ECT2: variants seen among roughly 807,000 people sequenced by gnomAD.
The protein encoded by ECT2 is protein ECT2.
Under a neutral mutation model 116.9 loss-of-function variants are expected in ECT2, and 61 were observed. The observed-to-expected ratio is 0.52, with a 90% CI of 0.42 to 0.65. The LOEUF is 0.65. ECT2 is among the 30% of genes least tolerant of loss of function. The pLI, the probability that ECT2 is intolerant of heterozygous loss-of-function variation, is 0.00. For missense variants in ECT2, 937 were observed against 1,078.7 expected (o/e 0.87, Z 1.84); for synonymous variants, 358 against 346.4 (o/e 1.03, Z -0.37).
chr3:172,800,889 T>TA (rs575374184), intron 18 of ECT2, among the ~76,000 whole-genome samples: 102 of 152,314 alleles, frequency 6.7e-4, no homozygotes, highest in African/African-American at 2.3e-3. Flanking sequence ...GCAGAACAGT[T>TA]ACAGATACAA....
Position 172,816,652 on chromosome 3 carries a change from A to G in ECT2, c.2509-39A>G, listed in dbSNP as rs377659712. 3 of 1,524,622 alleles carry G rather than the reference A, an allele frequency of 2.0e-6. No individual in the cohort carries two copies. In the East Asian group the frequency reaches 6.9e-5, roughly 35 times the overall value. The allele number at this position is 1,524,622 out of a possible 1,614,324, so 94.4% of individuals were successfully genotyped here. A position where few individuals can be genotyped will look rare whatever the true frequency, so the allele number is the denominator to read the frequency against. ...TTAAATATTCTCATCAGCTGTATTGAATTTGTCTAGGTTTAACTAATTGTA... is the reference window on the plus strand; with the variant it reads ...TTAAATATTCTCATCAGCTGTATTGGATTTGTCTAGGTTTAACTAATTGTA... On this transcript the variant is annotated intron_variant, in intron 23 of 24. Transcript: ENST00000392692.
In ECT2 at chr3:172,820,221, C is replaced by G. The variant is rs1412755004; in HGVS notation, c.2729C>G (p.Thr910Arg). The part of the protein sequence containing the change: ...ERRSHTLSRS[T>R]THLI ...AGAAGTCATACGTTAAGTAGATCTA[C>G]AACTCATTTGATATGAAGCGTTACC... The change falls in exon 25 of 25, where the codon ACA becomes AGA. Residue 910 changes from threonine (T) to arginine (R), a missense_variant. Coordinates refer to ENST00000392692, the MANE Select transcript of ECT2 (RefSeq NM_001258315.2). 1 of 1,606,558 alleles carries G rather than the reference C, an allele frequency of 6.2e-7. No individual in the cohort carries two copies. Among genetic ancestry groups the G allele is most frequent in the East Asian group, 2.2e-5 (1 of 44,608 alleles).
chr3:172,764,943 TC>T (rs1719046217), intron 12 of ECT2, among the ~76,000 whole-genome samples: 2 of 152,076 alleles, frequency 1.3e-5, no homozygotes, highest in Non-Finnish European at 1.5e-5. Flanking sequence ...CTATAATTCT[TC>T]CTTGGTTATC....
intron 14 of ECT2, among the ~76,000 whole-genome samples, chr3:172,776,196 TTC>T (rs1286118879): frequency 4.8e-5 from 4 of 82,766 alleles, no homozygotes; most frequent in Non-Finnish European, 1.1e-4. Context: ...TTTCAGTTTT[TTC>T]TTTTTTTTTT....
intron 18 of ECT2, among the ~76,000 whole-genome samples, chr3:172,795,651 A>G (rs536883225): frequency 4.9e-4 from 74 of 152,292 alleles, no homozygotes; most frequent in African/African-American, 1.5e-3. Flanking sequence ...TAATACCTCA[A>G]TTTTCATAAT....
intron 17 of ECT2, 117 bp downstream of exon 17, chr3:172,784,920 A>G (rs1367005236): frequency 3.2e-6 from 2 of 625,156 alleles, no homozygotes; most frequent in Admixed American, 3.1e-5. Flanking sequence ...TAAAGTTTAT[A>G]TATGTTTTGC....
At chr3:172,778,972 C>T (rs1380694785) in intron 14 of ECT2, among the ~76,000 whole-genome samples, 1 of 152,040 alleles carries the variant, frequency 6.6e-6, no homozygotes, top group East Asian at 1.9e-4. Flanking sequence ...TTTCAGAGTG[C>T]CTAAAGATGA....
At chr3:172,756,379 G>T (rs1716991313) in intron 4 of ECT2, among the ~76,000 whole-genome samples, 1 of 152,018 alleles carries the variant, frequency 6.6e-6, no homozygotes, top group Admixed American at 6.6e-5. Flanking sequence ...GATGTATAAA[G>T]TGTTTACTGT....
At chr3:172,752,978 G>T (rs1357314992) in intron 1 of ECT2, among the ~76,000 whole-genome samples, 4 of 152,176 alleles carry the variant, frequency 2.6e-5, no homozygotes, top group Admixed American at 2.0e-4. Context: ...GAAGAAGTAG[G>T]AAAGGGGAAA....
chr3:172,808,004 G>T, intron 22 of ECT2, 80 bp downstream of exon 22: 1 of 1,333,356 alleles, frequency 7.5e-7, no homozygotes, highest in South Asian at 1.7e-5. Context: ...CATTTTTAAT[G>T]ACTTGTTTAT....
At chr3:172,772,085 C>A (rs58338990) in intron 13 of ECT2, among the ~76,000 whole-genome samples, 1 of 151,730 alleles carries the variant, frequency 6.6e-6, no homozygotes, top group African/African-American at 2.4e-5. Context: ...ACTGCAGCCT[C>A]TGCCTTCTGG....
chr3:172,756,906 T>C (rs1394365240), intron 4 of ECT2, 77 bp from the exon 5 acceptor site: 2 of 1,254,156 alleles, frequency 1.6e-6, no homozygotes, highest in African/African-American at 1.6e-5. Flanking sequence ...AATTGATTGT[T>C]AAGCCTTATT....
In ECT2 at chr3:172,762,906, C is replaced by T. The variant is rs1414572961; in HGVS notation, c.1006-4C>T. The T allele has an allele frequency of 6.2e-7, 1 of 1,613,532 alleles. No individual in the cohort carries two copies. The highest frequency in any genetic ancestry group is 1.7e-5 in the Admixed American group (1 of 59,934). On this transcript the variant is annotated splice_polypyrimidine_tract_variant and splice_region_variant and intron_variant, in intron 10 of 24. Transcript: ENST00000392692. ...TTTATTAAAATGTTTTTTCTCTCAC[C>T]TAGTGGTTCTGGGGAAGCATTCAAA...
At chr3:172,813,584 A>G (rs1729154680) in intron 22 of ECT2, among the ~76,000 whole-genome samples, 1 of 152,132 alleles carries the variant, frequency 6.6e-6, no homozygotes, top group East Asian at 1.9e-4. Context: ...TAGAATATAC[A>G]TAACATAAAA....
chr3:172,827,975 C>A, the ECT2 span, among the ~76,000 whole-genome samples: 1 of 152,026 alleles, frequency 6.6e-6, no homozygotes, highest in Non-Finnish European at 1.5e-5. Flanking sequence ...AACCAATACT[C>A]TTATTATTCA....
chr3:172,754,566 G>A lies in ECT2; in HGVS notation c.36G>A (p.Gly12=). ...ATAGTGTATTAACATCCACTACTGG[G>A]AGGACTAGCTTGGCAGACTCTTCCA... ...AENSVLTSTT[G]RTSLADSSIF... The change falls in exon 2 of 25, where the codon GGG becomes GGA. Residue 12 remains glycine (G), a synonymous_variant. Coordinates refer to ENST00000392692, the MANE Select transcript of ECT2 (RefSeq NM_001258315.2). 2 of 1,611,256 alleles carry A rather than the reference G, an allele frequency of 1.2e-6. No homozygotes were observed. Among genetic ancestry groups the A allele is most frequent in the Non-Finnish European group, 1.7e-6 (2 of 1,178,644 alleles).
At chr3:172,817,581 C>T (rs919161399) in intron 24 of ECT2, among the ~76,000 whole-genome samples, 4 of 151,810 alleles carry the variant, frequency 2.6e-5, no homozygotes, top group African/African-American at 4.8e-5. Flanking sequence ...GAGGATGATA[C>T]GAGTTCTAAA....
intron 18 of ECT2, chr3:172,796,581 C>T (rs997713689): frequency 1.3e-5 from 2 of 152,124 alleles, no homozygotes; most frequent in Non-Finnish European, 2.9e-5. Context: ...TTTTCTGTTT[C>T]GTCTTACATT....
chr3:172,792,423 T>C (rs994701213), intron 18 of ECT2, among the ~76,000 whole-genome samples: 2 of 149,418 alleles, frequency 1.3e-5, no homozygotes, highest in Admixed American at 6.8e-5. Context: ...CTTTCTATGA[T>C]TTTATGTACG....
Sources: allele counts gnomAD v4.1 joint callset (sites outside exome capture counted in the v4.1 genomes callset), GRCh38; gene constraint gnomAD v4.1.1; transcripts MANE v1.5; gene names NCBI Gene and HGNC (gene_info 2026-07-23, HGNC 2026-07-21).